REPS2: variants seen among roughly 807,000 people sequenced by gnomAD.
The protein encoded by REPS2 is RALBP1 associated Eps domain containing 2, also known as ralBP1-associated Eps domain-containing protein 2.
A neutral mutation model predicts 53.6 loss-of-function variants in REPS2; 23 were observed. The ratio of observed to expected loss-of-function variants is 0.43; its 90% confidence interval spans 0.31 to 0.61. The LOEUF (loss-of-function observed/expected upper bound fraction) is 0.61. Ranked by LOEUF, REPS2 falls within the 20% of genes least tolerant of loss-of-function variation. REPS2 has a pLI of 0.11. For synonymous variants in REPS2, 238 were observed against 218.6 expected (o/e 1.09, Z -0.78); for missense variants, 446 against 534.9 (o/e 0.83, Z 1.64).
At chrX:16,953,986 C>T (rs2060558550) in intron 1 of REPS2, among the ~76,000 whole-genome samples, 1 of 110,978 alleles carries the variant, frequency 9.0e-6, no homozygotes, top group African/African-American at 3.3e-5. Context: ...CAGGGTCTTG[C>T]TGTGTCACCC....
At chrX:16,994,956 C>T (rs1471101282) in intron 1 of REPS2, among the ~76,000 whole-genome samples, 1 of 112,032 alleles carries the variant, frequency 8.9e-6, no homozygotes, top group Non-Finnish European at 1.9e-5. Context: ...TGGAAAATTT[C>T]ATAAACACTG....
At chrX:17,140,675 C>A (rs2063430274) in intron 17 of REPS2, among the ~76,000 whole-genome samples, 2 of 109,247 alleles carry the variant, frequency 1.8e-5, no homozygotes, top group Non-Finnish European at 3.8e-5. Context: ...AGCTAGAGTT[C>A]AATATATTTT....
the REPS2 span, among the ~76,000 whole-genome samples, chrX:17,192,212 G>A: frequency 5.0e-3 from 560 of 112,497 alleles, 1 homozygote; most frequent in Middle Eastern, 9.2e-3. Flanking sequence ...GTGCGTGCAC[G>A]CATGAGCGTG....
intron 6 of REPS2, among the ~76,000 whole-genome samples, chrX:17,050,197 T>TCTATC (rs773752476): frequency 2.2e-5 from 1 of 46,173 alleles, no homozygotes; most frequent in East Asian, 1.2e-3. Flanking sequence ...TTTCTTTCTT[T>TCTATC]TTTTTTTTTT....
chrX:17,047,403 G>A lies in REPS2; in HGVS notation c.828G>A (p.Trp276Ter). The A allele has an allele frequency of 8.3e-7, 1 of 1,210,807 alleles. No homozygotes were observed. Among genetic ancestry groups the A allele is most frequent in the Non-Finnish European group, 1.1e-6 (1 of 894,853 alleles). The change falls in exon 6 of 18, where the codon TGG becomes TGA. Residue 276 changes from tryptophan (W) to a stop codon, truncating the protein, a stop_gained. Coordinates refer to ENST00000357277, the MANE Select transcript of REPS2 (RefSeq NM_004726.3). LOFTEE classifies it high-confidence loss of function. Reference protein sequence around the residue: ...QDNSSYPDEPWRITEEQREYY... With the variant: ...QDNSSYPDEP ...ACAGCAGTTACCCCGACGAACCCTG[G>A]AGGATAACAGAAGAACAGCGCGAGT...
At chrX:16,995,805 G>A (rs1180486407) in intron 1 of REPS2, among the ~76,000 whole-genome samples, 1 of 111,967 alleles carries the variant, frequency 8.9e-6, no homozygotes, top group African/African-American at 3.3e-5. Flanking sequence ...AGCTGGAGAA[G>A]GGCCCTTCCA....
chrX:16,997,919 T>G (rs1014380001), intron 1 of REPS2, among the ~76,000 whole-genome samples: 2 of 111,849 alleles, frequency 1.8e-5, no homozygotes, highest in African/African-American at 6.5e-5. Context: ...GGTTCATGAC[T>G]GTAATCCTAG....
chrX:17,096,826 G>A (rs1006305637), intron 13 of REPS2, among the ~76,000 whole-genome samples: 1 of 111,279 alleles, frequency 9.0e-6, no homozygotes, highest in Non-Finnish European at 1.9e-5. Flanking sequence ...CATTAAGAAC[G>A]ACTAAAGAGG....
At chrX:17,104,553 G>A (rs1336079971) in intron 14 of REPS2, among the ~76,000 whole-genome samples, 1 of 111,621 alleles carries the variant, frequency 9.0e-6, no homozygotes, top group Non-Finnish European at 1.9e-5. Flanking sequence ...TGTTCTGGGT[G>A]GTTCAGAGCT....
At chrX:16,984,498 A>G (rs995305062) in intron 1 of REPS2, among the ~76,000 whole-genome samples, 8 of 112,343 alleles carry the variant, frequency 7.1e-5, no homozygotes, top group African/African-American at 1.9e-4. Context: ...CAAGAATACT[A>G]TGAGATGGAA....
At chrX:17,012,342 G>A (rs2061439390) in intron 2 of REPS2, among the ~76,000 whole-genome samples, 1 of 109,758 alleles carries the variant, frequency 9.1e-6, no homozygotes, top group Admixed American at 9.9e-5. Context: ...TCACGCCATT[G>A]CACTCTAGCC....
At chrX:17,099,321 C>G (rs762488736) in intron 13 of REPS2, among the ~76,000 whole-genome samples, 3 of 111,445 alleles carry the variant, frequency 2.7e-5, no homozygotes, top group Non-Finnish European at 5.6e-5. Context: ...TCCCTTTCCA[C>G]CCTCCCCATT....
At chrX:17,059,920 A>ATGTCTCCTTTTGATAGTTTCATCAAG (rs2062133744) in intron 8 of REPS2, among the ~76,000 whole-genome samples, 1 of 37,136 alleles carries the variant, frequency 2.7e-5, no homozygotes, top group Admixed American at 3.6e-4. Flanking sequence ...GTTTCATCAA[A>ATGTCTCCTTTTGATAGTTTCATCAAG]AGTCTCCTTT....
chrX:17,143,831 C>T (rs1380575219), intron 17 of REPS2, among the ~76,000 whole-genome samples: 5 of 110,842 alleles, frequency 4.5e-5, no homozygotes, highest in Non-Finnish European at 7.6e-5. Flanking sequence ...GTGCAGAACT[C>T]GTTGTGATCT....
At chrX:17,017,502 A>G (rs1383792712) in intron 2 of REPS2, among the ~76,000 whole-genome samples, 1 of 111,051 alleles carries the variant, frequency 9.0e-6, no homozygotes, top group Non-Finnish European at 1.9e-5. Context: ...ACTGGAAATG[A>G]ACATGAAGGA....
intron 5 of REPS2, among the ~76,000 whole-genome samples, chrX:17,037,737 G>A (rs2061784200): frequency 8.9e-6 from 1 of 112,675 alleles, no homozygotes; most frequent in African/African-American, 3.2e-5. Flanking sequence ...TTGAACTGCT[G>A]GTTCCAGGCA....
intron 1 of REPS2, among the ~76,000 whole-genome samples, chrX:16,992,342 A>G (rs2061174179): frequency 9.0e-6 from 1 of 111,623 alleles, no homozygotes; most frequent in Admixed American, 9.6e-5. Flanking sequence ...CAGCCTCCAG[A>G]ATGGAAAGAA....
intron 2 of REPS2, among the ~76,000 whole-genome samples, chrX:17,019,566 G>A (rs756457077): frequency 1.4e-4 from 16 of 112,112 alleles, no homozygotes; most frequent in African/African-American, 5.2e-4. Context: ...ACTCATGCCT[G>A]TAATCCCAGC....
intron 14 of REPS2, among the ~76,000 whole-genome samples, chrX:17,119,894 T>TTTTTTTTTTTTTTTTTTTA (rs2063118660): frequency 1.2e-5 from 1 of 84,007 alleles, no homozygotes; most frequent in African/African-American, 4.5e-5. Context: ...TTTTTTTTTT[T>TTTTTTTTTTTTTTTTTTTA]GAGAAAGAGT....
Sources: gnomAD v4.1 joint callset for allele counts (sites outside exome capture counted in the v4.1 genomes callset) on GRCh38, gnomAD v4.1.1 for gene constraint, MANE v1.5 for transcripts, NCBI Gene and HGNC (gene_info 2026-07-23, HGNC 2026-07-21) for gene names.